ASTN2: variants seen among roughly 807,000 people sequenced by gnomAD.
The protein encoded by ASTN2 is astrotactin-2.
Under a neutral mutation model 139.8 loss-of-function variants are expected in ASTN2, and 54 were observed. The ratio of observed to expected loss-of-function variants is 0.39; its 90% CI spans 0.31 to 0.48. The LOEUF (loss-of-function observed/expected upper bound fraction) is 0.48. Ranked by LOEUF, ASTN2 falls within the 20% of genes least tolerant of loss-of-function variation. The probability of loss-of-function intolerance (pLI) is 0.95; values close to 1 mark genes in which losing one functional copy is unlikely to be tolerated. For synonymous variants in ASTN2, 756 were observed against 719.5 expected, an observed-to-expected ratio of 1.05 and a Z score of -0.81; for missense variants, 1,565 against 1,725.1, an observed-to-expected ratio of 0.91 and a Z score of 1.64.
At chr9:117,144,618 A>G (rs1463728215) in intron 3 of ASTN2, among the ~76,000 whole-genome samples, 1 of 145,794 alleles carries the variant, frequency 6.9e-6, no homozygotes, top group Admixed American at 6.8e-5. Context: ...CAGTAAGAGG[A>G]GGAACACTGT....
chr9:116,887,276 A>T (rs1013491044), intron 10 of ASTN2, among the ~76,000 whole-genome samples: 7 of 152,100 alleles, frequency 4.6e-5, no homozygotes, highest in Admixed American at 3.3e-4. Context: ...ATGCAAGCAC[A>T]TCGTATAAAG....
chr9:116,563,414 A>G (rs1462671485), intron 19 of ASTN2, among the ~76,000 whole-genome samples: 1 of 148,894 alleles, frequency 6.7e-6, no homozygotes, highest in Non-Finnish European at 1.5e-5. Context: ...AATAAAAATA[A>G]AAAAATTATC....
Position 116,487,378 on chromosome 9 carries a change from C to T in ASTN2, c.3478G>A (p.Glu1160Lys). 3.1e-6 allele frequency: 5 copies of T among 1,614,028 alleles called. No homozygotes were observed. The highest frequency in any genetic ancestry group is 4.2e-6 in the Non-Finnish European group (5 of 1,179,946). Residue 1160 changes from glutamate (E) to lysine (K), a missense_variant, in exon 20 of 23, where the codon GAG becomes AAG. Around this residue, in one of 4 missense-constraint regions of ASTN2, gnomAD observed 418 missense variants for 465.8 expected, o/e 0.90. Transcript: ENST00000313400. ...TCTTACTTGTAGAGACCGTCGGGCT[C>T]CAGACACTTGAAGATGACTGAGTAG... ...SIYSVIFKCL[E>K]PDGLYKFTLY...
chr9:116,856,795 A>C (rs555594652), intron 11 of ASTN2, among the ~76,000 whole-genome samples: 1 of 152,238 alleles, frequency 6.6e-6, no homozygotes, highest in Non-Finnish European at 1.5e-5. Context: ...CAGAGGCGGC[A>C]GAAATGTGAC....
At chr9:117,100,191 C>A (rs544284679) in intron 4 of ASTN2, among the ~76,000 whole-genome samples, 1 of 152,286 alleles carries the variant, frequency 6.6e-6, no homozygotes, top group African/African-American at 2.4e-5. Flanking sequence ...TGACCACACC[C>A]CTATAACTAC....
intron 10 of ASTN2, among the ~76,000 whole-genome samples, chr9:116,939,404 TTTATTA>T (rs1564350701): frequency 6.6e-6 from 1 of 152,064 alleles, no homozygotes; most frequent in African/African-American, 2.4e-5. Flanking sequence ...ATTTAAAAAA[TTTATTA>T]TTATTATCAT....
rs139344148 is a variant in ASTN2 at position 117,120,985 on chromosome 9, T to C, written c.1168+20341A>G. Among the ~76,000 whole-genome samples the C allele has an allele frequency of 6.1e-3, 924 of 152,342 alleles. 5 individuals are homozygous for C. Among genetic ancestry groups the C allele is most frequent in the Middle Eastern group, 0.01 (3 of 294 alleles). The stretch of plus-strand genomic sequence containing the variant: ...TTGCAGTTGTCAGATGTAGTGTCTA[T>C]GCTACAGGTAATTAATACAGCCTGG... On this transcript the variant is annotated intron_variant, in intron 4 of 22. Coordinates refer to ENST00000313400, the MANE Select transcript of ASTN2 (RefSeq NM_001365068.1).
chr9:116,968,217 G>A (rs1261710663), intron 10 of ASTN2, among the ~76,000 whole-genome samples: 1 of 152,104 alleles, frequency 6.6e-6, no homozygotes, highest in Non-Finnish European at 1.5e-5. Flanking sequence ...TCTCTTTCTG[G>A]TTTTTCTACT....
At chr9:117,315,810 TAAG>T (rs1289368566) in intron 1 of ASTN2, among the ~76,000 whole-genome samples, 1 of 152,164 alleles carries the variant, frequency 6.6e-6, no homozygotes, top group Non-Finnish European at 1.5e-5. Flanking sequence ...CACTCCACAA[TAAG>T]AAGTGAAAAA....
chr9:116,692,860 G>C (rs543431935), intron 16 of ASTN2, among the ~76,000 whole-genome samples: 7 of 152,232 alleles, frequency 4.6e-5, no homozygotes, highest in African/African-American at 1.7e-4. Context: ...CAAGTAAGGA[G>C]ATTGCTACGA....
At chr9:117,021,332 C>T (rs1022443787) in intron 6 of ASTN2, among the ~76,000 whole-genome samples, 3 of 152,064 alleles carry the variant, frequency 2.0e-5, no homozygotes, top group African/African-American at 4.8e-5. Flanking sequence ...TGTATTTATG[C>T]TTTTGCTATC....
chr9:117,215,382 AG>A (rs1239896227), intron 2 of ASTN2, among the ~76,000 whole-genome samples: 2 of 151,858 alleles, frequency 1.3e-5, no homozygotes, highest in Non-Finnish European at 2.9e-5. Flanking sequence ...ACTGGGACAA[AG>A]TAGGTCCTTA....
chr9:117,077,308 C>A (rs1003973049), intron 5 of ASTN2, among the ~76,000 whole-genome samples: 3 of 152,166 alleles, frequency 2.0e-5, no homozygotes, highest in African/African-American at 7.2e-5. Flanking sequence ...AAGTTCTGAG[C>A]AAGTGATTTA....
At chr9:116,829,222 C>T (rs1368437949) in intron 11 of ASTN2, among the ~76,000 whole-genome samples, 3 of 151,356 alleles carry the variant, frequency 2.0e-5, no homozygotes, top group African/African-American at 2.4e-5. Flanking sequence ...GCAAAATGAA[C>T]GAAGCTAGAA....
At chr9:116,428,355 C>T (rs544159643) in intron 22 of ASTN2, among the ~76,000 whole-genome samples, 1 of 152,234 alleles carries the variant, frequency 6.6e-6, no homozygotes, top group African/African-American at 2.4e-5. Context: ...GAAACCCTGT[C>T]TTTACTAAAA....
intron 10 of ASTN2, among the ~76,000 whole-genome samples, chr9:116,877,076 T>C (rs1291821419): frequency 1.3e-5 from 2 of 152,204 alleles, no homozygotes; most frequent in African/African-American, 4.8e-5. Flanking sequence ...CCTCCTTTTT[T>C]CACAAATCGC....
At chr9:117,080,167 T>C (rs1463565149) in intron 5 of ASTN2, among the ~76,000 whole-genome samples, 1 of 152,182 alleles carries the variant, frequency 6.6e-6, no homozygotes, top group East Asian at 1.9e-4. Context: ...GAAGGGTAAA[T>C]ACATGCATAA....
chr9:116,980,698 G>C (rs896444496), intron 7 of ASTN2, among the ~76,000 whole-genome samples: 1 of 152,124 alleles, frequency 6.6e-6, no homozygotes, highest in Non-Finnish European at 1.5e-5. Flanking sequence ...AGCAGCCTGG[G>C]TGTCTCTAGC....
At chr9:116,691,304 A>T (rs1860554983) in intron 16 of ASTN2, among the ~76,000 whole-genome samples, 1 of 152,166 alleles carries the variant, frequency 6.6e-6, no homozygotes, top group South Asian at 2.1e-4. Flanking sequence ...GGTTGAGGTT[A>T]GTTGGAGGTC....
Sources: allele counts gnomAD v4.1 joint callset (sites outside exome capture counted in the v4.1 genomes callset), GRCh38; gene constraint gnomAD v4.1.1; regional missense constraint gnomAD v4.1.1; transcripts MANE v1.5; gene names NCBI Gene and HGNC (gene_info 2026-07-23, HGNC 2026-07-21).